Variants in LMAN2 observed in about 807,000 individuals in gnomAD.
LMAN2 encodes lectin, mannose binding 2, also known as vesicular integral-membrane protein VIP36.
In LMAN2, 22 loss-of-function variants were observed where a neutral mutation model predicts 39.3. The observed-to-expected ratio is 0.56, with a 90% CI of 0.40 to 0.80. LMAN2 has a LOEUF of 0.80. Ranked by LOEUF, LMAN2 falls within the 30% of genes least tolerant of loss-of-function variation. The pLI, the probability that LMAN2 is intolerant of heterozygous loss-of-function variation, is 0.00. For missense variants in LMAN2, 494 were observed against 505.4 expected, an observed-to-expected ratio of 0.98 and a Z score of 0.22; for synonymous variants, 207 against 207.8, an observed-to-expected ratio of 1.00 and a Z score of 0.03.
chr5:177,337,123 C>A lies in LMAN2; in HGVS notation c.790+13G>T, dbSNP rs757660779. 8 of 1,603,986 alleles carry A rather than the reference C, an allele frequency of 5.0e-6. No individual in the cohort carries two copies. Among genetic ancestry groups the A allele is most frequent in the Non-Finnish European group, 6.8e-6 (8 of 1,173,162 alleles). On this transcript the variant is annotated intron_variant, in intron 6 of 7. Transcript: ENST00000303127. This position sits in a 1 kb window ranked among gnomAD's most constrained non-coding sequence, Gnocchi z 8.2. ...GCTGGGCTGGGAACCAACGCCTGGC[C>A]CGGCCCACTCACCAGACAGGTCGCC...
intron 7 of LMAN2, among the ~76,000 whole-genome samples, chr5:177,333,135 G>A (rs1218413700): frequency 6.6e-5 from 10 of 152,188 alleles, no homozygotes; most frequent in Admixed American, 2.6e-4. Flanking sequence ...GCCACTGACC[G>A]AACGCGGAGG....
intron 2 of LMAN2, among the ~76,000 whole-genome samples, chr5:177,345,709 A>G (rs1319548735): frequency 6.6e-6 from 1 of 152,012 alleles, no homozygotes; most frequent in African/African-American, 2.4e-5. Flanking sequence ...CAAGTTGGTC[A>G]GGAAGGCTCG....
At position 177,339,102 on chromosome 5, in the gene LMAN2, C is replaced by T. The variant is rs559430102; in HGVS notation, c.316-497G>A. ...ACTCACGCGCAGGGCTTTCTGACTC[C>T]GAGAGCTCTGCTCAGCGGACTGTCT... is the stretch of plus-strand genomic sequence containing the variant. On this transcript the variant is annotated intron_variant, in intron 2 of 7. Transcript: ENST00000303127. Among the ~76,000 whole-genome samples, 14 of 152,372 alleles carry T rather than the reference C, an allele frequency of 9.2e-5. No individual in the cohort carries two copies. The South Asian group carries it at 2.3e-3, about 25-fold the overall frequency.
chr5:177,338,705 C>T, intron 2 of LMAN2, 100 bp from the exon 3 acceptor site: 1 of 932,080 alleles, frequency 1.1e-6, no homozygotes, highest in Non-Finnish European at 1.7e-6. Flanking sequence ...CCTCTCTTCT[C>T]TCCCCAGCTA....
intron 2 of LMAN2, among the ~76,000 whole-genome samples, chr5:177,350,510 G>A (rs550040872): frequency 7.9e-5 from 12 of 152,282 alleles, no homozygotes; most frequent in Middle Eastern, 3.4e-3. Context: ...CACAGGTCCA[G>A]TCCCTCCACA....
intron 6 of LMAN2, among the ~76,000 whole-genome samples, chr5:177,336,016 C>A (rs919850494): frequency 2.0e-5 from 3 of 152,216 alleles, no homozygotes; most frequent in Non-Finnish European, 4.4e-5. Context: ...CTGGGCCAAA[C>A]AGCCATTTAT....
At chr5:177,344,423 G>A (rs1384269536) in intron 2 of LMAN2, among the ~76,000 whole-genome samples, 1 of 150,570 alleles carries the variant, frequency 6.6e-6, no homozygotes, top group South Asian at 2.1e-4. Context: ...TGGGATTACA[G>A]GAACACGCCA....
rs867388586 is a variant in LMAN2, at chr5:177,332,193, G to A, written c.964C>T (p.Arg322Trp). The A allele has an allele frequency of 6.2e-6, 10 of 1,613,294 alleles. No homozygotes were observed. The highest frequency in any genetic ancestry group is 3.3e-4 in the Middle Eastern group (2 of 6,042). The part of the protein sequence containing the change: ...NFRSGPLTGW[R>W]VFLLLLCALL... ...GCGCACAGCAGCAGCAGGAACACCC[G>A]CCACCCCGTCAGGGGCCCGCTGCGG... Residue 322 changes from arginine to tryptophan, a missense_variant, in exon 8 of 8, where the codon CGG (arginine) becomes TGG (tryptophan). Coordinates refer to ENST00000303127, the MANE Select transcript of LMAN2 (RefSeq NM_006816.3). This position sits in a 1 kb window ranked among gnomAD's most constrained non-coding sequence, Gnocchi z 6.3.
chr5:177,341,701 G>C (rs938463865), intron 2 of LMAN2, among the ~76,000 whole-genome samples: 1 of 152,196 alleles, frequency 6.6e-6, no homozygotes, highest in Non-Finnish European at 1.5e-5. Context: ...CAGAAGGAAC[G>C]AAGAACAACA....
At position 177,334,385 on chromosome 5, in the gene LMAN2, G is replaced by A. The variant is rs954570087; in HGVS notation, c.809C>T (p.Ser270Phe). ...GDLSDNHDII[S>F]MKLFQLMVEH... Reference sequence around the variant, plus strand: ...CACCATCAGCTGGAACAGCTTCATGGAGATGATGTCATGATTGTCTGCAGG... The same window carrying A: ...CACCATCAGCTGGAACAGCTTCATGAAGATGATGTCATGATTGTCTGCAGG... The change falls in exon 7 of 8, where the codon TCC becomes TTC. Residue 270 changes from serine (S) to phenylalanine (F), a missense_variant. Transcript: ENST00000303127. The A allele has an allele frequency of 1.9e-6, 3 of 1,613,486 alleles. No individual in the cohort carries two copies. In the South Asian group the frequency reaches 3.3e-5, roughly 18 times the overall value.
chr5:177,337,912 A>T lies in LMAN2; in HGVS notation c.434-127T>A, dbSNP rs142463938. ...CAACCCACTGGCCATTCACCGAGAG[A>T]GAAGGGATCGTGAAAGGAGAAAGCT... On this transcript the variant is annotated intron_variant, in intron 3 of 7. Transcript: ENST00000303127. The surrounding 1 kb of genome is among the most constrained non-coding windows in gnomAD (Gnocchi z 8.2). The T allele has an allele frequency of 5.8e-5, 44 of 752,332 alleles. No homozygotes were observed. In the African/African-American group the frequency reaches 7.0e-4, roughly 12 times the overall value. The allele number at this position is 752,332 out of a possible 1,614,324, so 46.6% of individuals were successfully genotyped here. A position where few individuals can be genotyped will look rare whatever the true frequency, so the allele number is the denominator to read the frequency against.
chr5:177,348,772 T>C (rs1352820388), intron 2 of LMAN2, among the ~76,000 whole-genome samples: 1 of 143,658 alleles, frequency 7.0e-6, no homozygotes, highest in Non-Finnish European at 1.5e-5. Context: ...TAATTCCAGC[T>C]ACTCAGGGGG....
rs780690602 is a variant in LMAN2 at position 177,337,321 on chromosome 5, A to G, written c.675+42T>C. ...CCTCCTGAGCCTCTGTGGGACCAGC[A>G]CAGGGCCACCAGCTGCCACCCCCAC... On this transcript the variant is annotated intron_variant, in intron 5 of 7. Coordinates refer to ENST00000303127, the MANE Select transcript of LMAN2 (RefSeq NM_006816.3). This position sits in a 1 kb window ranked among gnomAD's most constrained non-coding sequence, Gnocchi z 8.2. The G allele has an allele frequency of 3.7e-6, 6 of 1,610,860 alleles. No individual in the cohort carries two copies. In the South Asian group the frequency reaches 5.5e-5, roughly 15 times the overall value.
At position 177,331,949 on chromosome 5, in the gene LMAN2, A is replaced by C; in HGVS notation, c.*137T>G. 1 of 1,078,768 alleles carries C rather than the reference A, an allele frequency of 9.3e-7. No homozygotes were observed. The highest frequency in any genetic ancestry group is 2.7e-5 in the East Asian group (1 of 37,600). 66.8% of individuals were successfully genotyped at this position (1,078,768 alleles called of 1,614,324 possible). A position where few individuals can be genotyped will look rare whatever the true frequency, so the allele number is the denominator to read the frequency against. On this transcript the variant is annotated 3_prime_UTR_variant, in exon 8 of 8. Coordinates refer to ENST00000303127, the MANE Select transcript of LMAN2 (RefSeq NM_006816.3). ...CTGTCCCTGCTGGGCAAGAAGCAAA[A>C]TGTATGAAAATACTTTAATCATTTA... is the stretch of plus-strand genomic sequence containing the variant.
At position 177,337,679 on chromosome 5, in the gene LMAN2, G is replaced by A. The variant is rs751376714; in HGVS notation, c.513+27C>T. The A allele has an allele frequency of 3.9e-5, 63 of 1,612,156 alleles. No individual in the cohort carries two copies. Among genetic ancestry groups the A allele is most frequent in the Non-Finnish European group, 5.3e-5 (63 of 1,178,732 alleles). ...CCGACTGCCCAGTCCTTCCTTTCCT[G>A]CTCAGCAGGATAGAGCAGGGGCCTA... On this transcript the variant is annotated intron_variant, in intron 4 of 7. Coordinates refer to ENST00000303127, the MANE Select transcript of LMAN2 (RefSeq NM_006816.3). The surrounding 1 kb of genome is among the most constrained non-coding windows in gnomAD (Gnocchi z 8.2).
In LMAN2 at chr5:177,332,771, C is replaced by T. The variant is rs1761409398; in HGVS notation, c.911-525G>A. The stretch of plus-strand genomic sequence containing the variant: ...TCCTCCACACAAGGTTCCCACAGGT[C>T]CTGCCCATCCTGGGATGGGGCCCAC... On this transcript the variant is annotated intron_variant, in intron 7 of 7. Transcript: ENST00000303127. This position sits in a 1 kb window ranked among gnomAD's most constrained non-coding sequence, Gnocchi z 6.3. Among the ~76,000 whole-genome samples, 1 of 152,178 alleles carries T rather than the reference C, an allele frequency of 6.6e-6. No homozygotes were observed. Among genetic ancestry groups the T allele is most frequent in the South Asian group, 2.1e-4 (1 of 4,838 alleles).
chr5:177,340,218 C>T (rs1414661067), intron 2 of LMAN2, among the ~76,000 whole-genome samples: 1 of 152,172 alleles, frequency 6.6e-6, no homozygotes, highest in Non-Finnish European at 1.5e-5. Flanking sequence ...GAAACAGCAA[C>T]AACAACAAAA....
In LMAN2 at chr5:177,342,155, T is replaced by C. The variant is rs1460621124; in HGVS notation, c.316-3550A>G. Among the ~76,000 whole-genome samples, 4 of 152,192 alleles carry C rather than the reference T, an allele frequency of 2.6e-5. No homozygotes were observed. The South Asian group carries it at 8.3e-4, about 32-fold the overall frequency. ...CCCAAGGGCACCTAGGATCTCTGTATTATTTCCTGCAACGGCATGTGAATT... is the reference window on the plus strand; with the variant it reads ...CCCAAGGGCACCTAGGATCTCTGTACTATTTCCTGCAACGGCATGTGAATT... On this transcript the variant is annotated intron_variant, in intron 2 of 7. Coordinates refer to ENST00000303127, the MANE Select transcript of LMAN2 (RefSeq NM_006816.3).
chr5:177,347,150 A>G (rs1327383352), intron 2 of LMAN2, among the ~76,000 whole-genome samples: 2 of 152,250 alleles, frequency 1.3e-5, no homozygotes, highest in Non-Finnish European at 2.9e-5. Context: ...TACAAAAGTC[A>G]GCCCAGAAAC....
Sources: gnomAD v4.1 joint callset for allele counts (sites outside exome capture counted in the v4.1 genomes callset) on GRCh38, gnomAD v4.1.1 for gene constraint, Gnocchi (gnomAD v3.1) non-coding constraint, MANE v1.5 for transcripts, NCBI Gene and HGNC (gene_info 2026-07-23, HGNC 2026-07-21) for gene names.